TRIT1: variants seen among roughly 807,000 people sequenced by gnomAD.
TRIT1 encodes the protein tRNA isopentenyltransferase 1, also known as tRNA dimethylallyltransferase.
Under a neutral mutation model 51.2 loss-of-function variants are expected in TRIT1, and 43 were observed. The observed-to-expected ratio is 0.84, with a 90% CI of 0.66 to 1.08. The LOEUF (loss-of-function observed/expected upper bound fraction) is 1.08. Ranked by LOEUF, TRIT1 falls within the 50% of genes least tolerant of loss-of-function variation. TRIT1 has a pLI of 0.00. For missense variants in TRIT1, 528 were observed against 578.4 expected (o/e 0.91, Z 0.89); for synonymous variants, 184 against 203.9 (o/e 0.90, Z 0.83).
intron 1 of TRIT1, chr1:39,881,515 G>C (rs964106504): frequency 3.3e-5 from 5 of 150,742 alleles, no homozygotes; most frequent in African/African-American, 1.2e-4. Context: ...TACACACTAT[G>C]GCCATTTCAC....
Position 39,841,579 on chromosome 1 carries a change from A to C in TRIT1, c.*165T>G. On this transcript the variant is annotated 3_prime_UTR_variant, in exon 11 of 11. Coordinates refer to ENST00000316891, the MANE Select transcript of TRIT1 (RefSeq NM_017646.6). ...TGACAAGACCTGCTGTTTCTATTAT[A>C]GAGAACGTGAGACTTTAAAACCACA... The C allele has an allele frequency of 6.4e-6, 4 of 621,238 alleles. No homozygotes were observed. Among genetic ancestry groups the C allele is most frequent in the Non-Finnish European group, 1.1e-5 (4 of 378,854 alleles). 38.5% of individuals were successfully genotyped at this position (621,238 alleles called of 1,614,324 possible).
chr1:39,866,086 AAAG>A (rs1215450121), intron 1 of TRIT1, among the ~76,000 whole-genome samples: 1 of 104,674 alleles, frequency 9.6e-6, no homozygotes, highest in Non-Finnish European at 2.1e-5. Context: ...GGAGGGAAGG[AAAG>A]AAGAAAGGAA....
chr1:39,844,522 C>A lies in TRIT1; in HGVS notation c.1116+9G>T. 1.2e-6 allele frequency: 2 copies of A among 1,604,228 alleles called. No individual in the cohort carries two copies. Among genetic ancestry groups the A allele is most frequent in the South Asian group, 2.2e-5 (2 of 90,826 alleles). ...CCAGAAAATAGAATGTATCATGATT[C>A]ATAATTACCTGGATGAAACTTTGCA... On this transcript the variant is annotated intron_variant, in intron 9 of 10. Transcript: ENST00000316891.
At chr1:39,872,997 A>T (rs1178032327) in intron 1 of TRIT1, among the ~76,000 whole-genome samples, 1 of 152,190 alleles carries the variant, frequency 6.6e-6, no homozygotes, top group African/African-American at 2.4e-5. Context: ...ATCTCCCCTA[A>T]AATATTTATT....
intron 4 of TRIT1, among the ~76,000 whole-genome samples, chr1:39,851,298 C>T (rs1229971863): frequency 6.6e-6 from 1 of 152,076 alleles, no homozygotes; most frequent in Non-Finnish European, 1.5e-5. Flanking sequence ...AACCTATTGA[C>T]TCTTACTAAG....
At chr1:39,879,872 C>CAA (rs11406062) in intron 1 of TRIT1, among the ~76,000 whole-genome samples, 84 of 49,046 alleles carry the variant, frequency 1.7e-3, no homozygotes, top group African/African-American at 2.2e-3. Context: ...AACTCCATCT[C>CAA]AAAAAAAAAA....
rs764987272 is a variant in TRIT1, at chr1:39,841,779, C to G, written c.1369G>C (p.Gly457Arg). The G allele has an allele frequency of 6.2e-7, 1 of 1,613,718 alleles. No individual in the cohort carries two copies. Among genetic ancestry groups the G allele is most frequent in the Non-Finnish European group, 8.5e-7 (1 of 1,179,878 alleles). Residue 457 changes from glycine to arginine, a missense_variant, in exon 11 of 11, where the codon GGG becomes CGG. By Grantham distance (125) the Gly-to-Arg change is moderately radical. Transcript: ENST00000316891. ...NKEPKEKGSP[G>R]QNDQELKCSV is the part of the protein sequence containing the mutation. ...CATTTCAGCTCTTGATCATTCTGCC[C>G]TGGGGATCCCTTCTCTTTAGGTTCT...
Position 39,857,309 on chromosome 1 carries a change from C to T in TRIT1, c.283G>A (p.Val95Met). Residue 95 changes from valine (V) to methionine (M), a missense_variant, in exon 2 of 11, where the codon GTG becomes ATG. Physicochemically the swap from Val to Met is conservative, Grantham distance 21. Coordinates refer to ENST00000316891, the MANE Select transcript of TRIT1 (RefSeq NM_017646.6). ...GTTGCTCTATTTCTGAAGTCCACCA[C>T]TGTGTAATTGGTCACAAGAGGATCC... ...FVDPLVTNYT[V>M]VDFRNRATAL... 1 of 1,613,502 alleles carries T rather than the reference C, an allele frequency of 6.2e-7. No homozygotes were observed. Among genetic ancestry groups the T allele is most frequent in the East Asian group, 2.2e-5 (1 of 44,882 alleles).
intron 10 of TRIT1, 103 bp downstream of exon 10, chr1:39,843,998 A>C: frequency 1.3e-6 from 1 of 764,998 alleles, no homozygotes; most frequent in Non-Finnish European, 2.2e-6. Flanking sequence ...GTCCCTTTAC[A>C]AATAAATAGA....
chr1:39,867,375 C>G (rs1237674431), intron 1 of TRIT1, among the ~76,000 whole-genome samples: 4 of 152,164 alleles, frequency 2.6e-5, no homozygotes, highest in African/African-American at 9.7e-5. Flanking sequence ...GAACTCCCAA[C>G]CTCAGGTGAT....
chr1:39,853,356 A>G (rs1229147010), intron 3 of TRIT1, among the ~76,000 whole-genome samples: 1 of 151,960 alleles, frequency 6.6e-6, no homozygotes, highest in East Asian at 1.9e-4. Context: ...TTTTTTTAAT[A>G]TAATTTTTCT....
intron 1 of TRIT1, among the ~76,000 whole-genome samples, chr1:39,865,696 G>T (rs992152882): frequency 7.2e-6 from 1 of 139,210 alleles, no homozygotes. Flanking sequence ...AAAAAGAAAA[G>T]AAAATTAGTC....
At chr1:39,860,541 T>G (rs1643177288) in intron 1 of TRIT1, among the ~76,000 whole-genome samples, 1 of 152,190 alleles carries the variant, frequency 6.6e-6, no homozygotes, top group African/African-American at 2.4e-5. Context: ...CCAAAACACT[T>G]CTGGTCCCAA....
intron 1 of TRIT1, 80 bp from the exon 2 acceptor site, chr1:39,857,497 AT>A (rs1642970444): frequency 2.0e-6 from 3 of 1,514,106 alleles, no homozygotes; most frequent in Non-Finnish European, 2.7e-6. Context: ...ATTTTGATCT[AT>A]TTCTCCCTCC....
At chr1:39,841,949 ACTC>A in intron 10 of TRIT1, 36 bp from the exon 11 acceptor site, 1 of 1,574,926 alleles carries the variant, frequency 6.3e-7, no homozygotes, top group Non-Finnish European at 8.6e-7. Context: ...AAACAAAAAA[ACTC>A]ATTAGGAATT....
chr1:39,862,050 C>T (rs191716640), intron 1 of TRIT1, among the ~76,000 whole-genome samples: 58 of 152,040 alleles, frequency 3.8e-4, no homozygotes, highest in African/African-American at 1.3e-3. Flanking sequence ...AAACACTGTA[C>T]GATCTCATGT....
chr1:39,841,605 T>C lies in TRIT1; in HGVS notation c.*139A>G, dbSNP rs74069777. On this transcript the variant is annotated 3_prime_UTR_variant, in exon 11 of 11. Coordinates refer to ENST00000316891, the MANE Select transcript of TRIT1 (RefSeq NM_017646.6). ...GAGAACGTGAGACTTTAAAACCACA[T>C]CAAAAGAAAATGGTGGGAGCTTTTC... The C allele has an allele frequency of 7.7e-4, 670 of 864,570 alleles. 5 individuals are homozygous for C. In the African/African-American group the frequency reaches 0.011, roughly 14 times the overall value. The allele number at this position is 864,570 out of a possible 1,614,324, so 53.6% of individuals were successfully genotyped here. A position where few individuals can be genotyped will look rare whatever the true frequency, so the allele number is the denominator to read the frequency against.
intron 1 of TRIT1, chr1:39,862,787 C>T (rs1329053966): frequency 2.0e-6 from 2 of 985,270 alleles, no homozygotes; most frequent in Admixed American, 1.2e-4. Flanking sequence ...CTTACACTTA[C>T]CCTATTTTTC....
intron 1 of TRIT1, among the ~76,000 whole-genome samples, chr1:39,875,906 G>A (rs898333919): frequency 3.9e-5 from 6 of 152,034 alleles, no homozygotes; most frequent in Non-Finnish European, 7.4e-5. Flanking sequence ...CTACGGTAAG[G>A]ATATTAGATA....
Sources: allele counts gnomAD v4.1 joint callset (sites outside exome capture counted in the v4.1 genomes callset), GRCh38; gene constraint gnomAD v4.1.1; transcripts MANE v1.5; gene names NCBI Gene and HGNC (gene_info 2026-07-23, HGNC 2026-07-21).